ANK1: variants seen among roughly 807,000 people sequenced by gnomAD.
ANK1 encodes ankyrin 1.
Under a neutral mutation model 210.4 loss-of-function variants are expected in ANK1, and 51 were observed. That is an observed-to-expected ratio of 0.24 (90% CI 0.19 to 0.31). The LOEUF is 0.31. Ranked by LOEUF, ANK1 falls within the 10% of genes least tolerant of loss-of-function variation. The probability of loss-of-function intolerance (pLI) is 1.00; values close to 1 mark genes in which losing one functional copy is unlikely to be tolerated. For missense variants in ANK1, 2,051 were observed against 2,504.4 expected (o/e 0.82, Z 3.86); for synonymous variants, 967 against 1,025.9 (o/e 0.94, Z 1.10).
Position 41,715,714 on chromosome 8 carries a change from C to A in ANK1, c.1540G>T (p.Gly514Cys), listed in dbSNP as rs199975878. The stretch of plus-strand genomic sequence containing the variant: ...AGGGCCAGGACTGTTTCCACATGGC[C>A]CTCACGGGCTGCAATGTGCAGGGGG... ...HTPLHIAARE[G>C]HVETVLALLE... The change falls in exon 14 of 43, where the codon GGC (glycine) becomes TGC (cysteine). Residue 514 changes from glycine (G) to cysteine (C), a missense_variant. Physicochemically the swap from Gly to Cys is radical, Grantham distance 159. This residue lies in a region of ANK1 where 1,413 missense variants were observed against 1,707.4 expected (regional missense o/e 0.83). Transcript: ENST00000289734. 1.7e-4 allele frequency: 267 copies of A among 1,614,032 alleles called. 1 individual carries two copies. Among genetic ancestry groups the A allele is most frequent in the Non-Finnish European group, 2.1e-4 (253 of 1,180,046 alleles).
chr8:41,759,632 G>A (rs972748112), intron 1 of ANK1, among the ~76,000 whole-genome samples: 10 of 152,228 alleles, frequency 6.6e-5, no homozygotes, highest in African/African-American at 2.2e-4. Flanking sequence ...ATATGACGAT[G>A]TGGGTAGGTT....
chr8:41,668,923 C>T (rs1313515360), intron 38 of ANK1, among the ~76,000 whole-genome samples: 1 of 152,136 alleles, frequency 6.6e-6, no homozygotes, highest in African/African-American at 2.4e-5. Context: ...TCTGCCACCA[C>T]CTCCTTCTGC....
At chr8:41,675,005 ACAAAAGCAGGACATTTTGGGGT>A (rs1191654257) in intron 37 of ANK1, among the ~76,000 whole-genome samples, 1 of 152,222 alleles carries the variant, frequency 6.6e-6, no homozygotes, top group Admixed American at 6.5e-5. Flanking sequence ...CTCCACATAT[ACAAAAGCAGGACATTTTGGGGT>A]CAACTGATGA....
At chr8:41,856,810 C>T (rs1812245105) in intron 1 of ANK1, among the ~76,000 whole-genome samples, 2 of 151,168 alleles carry the variant, frequency 1.3e-5, no homozygotes, top group African/African-American at 4.9e-5. Flanking sequence ...CCCAAGCATT[C>T]TGCATAAGGA....
At chr8:41,857,147 T>C (rs953075115) in intron 1 of ANK1, among the ~76,000 whole-genome samples, 9 of 150,954 alleles carry the variant, frequency 6.0e-5, no homozygotes. Flanking sequence ...CCTAAAGTGC[T>C]GGGATTACAG....
At chr8:41,846,260 C>G (rs1049265744) in intron 1 of ANK1, among the ~76,000 whole-genome samples, 2 of 152,206 alleles carry the variant, frequency 1.3e-5, no homozygotes, top group Non-Finnish European at 2.9e-5. Context: ...AGGGTCCTGC[C>G]GCAAAGCCCA....
intron 1 of ANK1, among the ~76,000 whole-genome samples, chr8:41,788,651 G>A (rs1347882638): frequency 3.9e-5 from 6 of 152,144 alleles, no homozygotes; most frequent in Admixed American, 1.3e-4. Flanking sequence ...GTACAAAGTC[G>A]CTACTCAAGA....
In ANK1 at chr8:41,704,564, G is replaced by A. The variant is rs1450471647; in HGVS notation, c.2098-92C>T. 12 of 1,129,130 alleles carry A rather than the reference G, an allele frequency of 1.1e-5. No individual in the cohort carries two copies. Among genetic ancestry groups the A allele is most frequent in the African/African-American group, 1.5e-5 (1 of 65,760 alleles). The allele number at this position is 1,129,130 out of a possible 1,614,324, so 69.9% of individuals were successfully genotyped here. On this transcript the variant is annotated intron_variant, in intron 18 of 42. Coordinates refer to ENST00000289734, the MANE Select transcript of ANK1 (RefSeq NM_000037.4). This position sits in a 1 kb window ranked among gnomAD's most constrained non-coding sequence, Gnocchi z 4.1. ...AAAGCAGCTGATTCAAAGAGAGAAC[G>A]GACAGGGAGCCCCTTGAAGGCTGAC...
intron 1 of ANK1, among the ~76,000 whole-genome samples, chr8:41,878,724 G>A (rs1363445684): frequency 6.6e-6 from 1 of 152,176 alleles, no homozygotes; most frequent in Non-Finnish European, 1.5e-5. Context: ...CATGCAACTG[G>A]ACAGGTTGTC....
At position 41,702,052 on chromosome 8, in the gene ANK1, C is replaced by T. The variant is rs1822979914; in HGVS notation, c.2388G>A (p.Val796=). 2 of 1,613,646 alleles carry T rather than the reference C, an allele frequency of 1.2e-6. No homozygotes were observed. Among genetic ancestry groups the T allele is most frequent in the Admixed American group, 1.7e-5 (1 of 60,004 alleles). Residue 796 remains valine (V), a splice_region_variant and synonymous_variant, in exon 21 of 43, where the codon GTG becomes GTA. Coordinates refer to ENST00000289734, the MANE Select transcript of ANK1 (RefSeq NM_000037.4). ...LKVVTDETSF[V]LVSDKHRMSF... ...GGGTGCGGGGGAGAGGCAGACATACCACGAAACTGGTTTCATCCGTGACGA... is the reference window on the plus strand; with the variant it reads ...GGGTGCGGGGGAGAGGCAGACATACTACGAAACTGGTTTCATCCGTGACGA...
chr8:41,802,228 G>C (rs1320411927), upstream of ANK1, among the ~76,000 whole-genome samples: 1 of 152,138 alleles, frequency 6.6e-6, no homozygotes, highest in East Asian at 1.9e-4. Flanking sequence ...GATTTCAAGT[G>C]ATCTGCCCAC....
chr8:41,720,407 T>C (rs1362409419), intron 9 of ANK1, among the ~76,000 whole-genome samples: 1 of 152,138 alleles, frequency 6.6e-6, no homozygotes, highest in East Asian at 1.9e-4. Flanking sequence ...CTTGTCCCTA[T>C]CAAATGCAGT....
At position 41,701,538 on chromosome 8, in the gene ANK1, C is replaced by A; in HGVS notation, c.2461+12G>T. 6.2e-7 allele frequency: 1 copy of A among 1,613,974 alleles called. No homozygotes were observed. Among genetic ancestry groups the A allele is most frequent in the Non-Finnish European group, 8.5e-7 (1 of 1,179,876 alleles). ...TGTCCCCACCAGCCTGAGCTCTTTACCCCAACGTTACCTTCATCTTCCGAG... is the reference window on the plus strand; with the variant it reads ...TGTCCCCACCAGCCTGAGCTCTTTAACCCAACGTTACCTTCATCTTCCGAG... On this transcript the variant is annotated intron_variant, in intron 22 of 42. Coordinates refer to ENST00000289734, the MANE Select transcript of ANK1 (RefSeq NM_000037.4).
intron 1 of ANK1, among the ~76,000 whole-genome samples, chr8:41,789,848 A>C (rs758645425): frequency 2.0e-5 from 3 of 152,170 alleles, no homozygotes; most frequent in Non-Finnish European, 4.4e-5. Context: ...TATATAAAGA[A>C]AGTGCTGTGC....
intron 1 of ANK1, among the ~76,000 whole-genome samples, chr8:41,814,267 G>A (rs1191077126): frequency 6.6e-6 from 1 of 151,904 alleles, no homozygotes; most frequent in Non-Finnish European, 1.5e-5. Flanking sequence ...GGCTGAGGCA[G>A]GAGAATGGCG....
At chr8:41,742,833 C>T (rs1248756501) in intron 2 of ANK1, among the ~76,000 whole-genome samples, 1 of 152,134 alleles carries the variant, frequency 6.6e-6, no homozygotes, top group Non-Finnish European at 1.5e-5. Context: ...ATGCTTTTAC[C>T]TTTACCCATG....
intron 1 of ANK1, among the ~76,000 whole-genome samples, chr8:41,804,869 G>A (rs960010797): frequency 1.3e-5 from 2 of 152,160 alleles, no homozygotes; most frequent in East Asian, 1.9e-4. Context: ...TCAGCATGAA[G>A]AGTGGGGAAA....
chr8:41,896,650 C>T (rs1313842347), exon 1 of ANK1: 5 of 914,584 alleles, frequency 5.5e-6, no homozygotes, highest in East Asian at 4.0e-5. Flanking sequence ...AAGGCAGTTC[C>T]GGACGCGGAG....
intron 1 of ANK1, among the ~76,000 whole-genome samples, chr8:41,795,839 T>C (rs1222218013): frequency 1.3e-5 from 2 of 152,180 alleles, no homozygotes; most frequent in Non-Finnish European, 2.9e-5. Flanking sequence ...TGGTGTTTGA[T>C]AGCAGCTTAG....
Sources: allele counts gnomAD v4.1 joint callset (sites outside exome capture counted in the v4.1 genomes callset), GRCh38; gene constraint gnomAD v4.1.1; regional missense constraint gnomAD v4.1.1; non-coding constraint Gnocchi (gnomAD v3.1); transcripts MANE v1.5; gene names NCBI Gene and HGNC (gene_info 2026-07-23, HGNC 2026-07-21).